LIAT1: variants seen among roughly 807,000 people sequenced by gnomAD.
The protein encoded by LIAT1 is ligand of ATE1.
the LIAT1 span, among the ~76,000 whole-genome samples, chr17:411,347 C>T: frequency 5.3e-5 from 8 of 152,296 alleles, no homozygotes; most frequent in Admixed American, 3.9e-4. Flanking sequence ...AACCACTCCC[C>T]CCACCTTCTA....
chr17:413,090 C>G, the LIAT1 span: 10 of 1,575,554 alleles, frequency 6.3e-6, no homozygotes, highest in Non-Finnish European at 8.6e-6. Context: ...TGGCACCATC[C>G]CCAGCAGGCC....
At chr17:414,304 CAT>C in the LIAT1 span, 1 of 646,412 alleles carries the variant, frequency 1.5e-6, no homozygotes, top group African/African-American at 1.8e-5. This position sits in a 1 kb window ranked among gnomAD's most constrained non-coding sequence, Gnocchi z 4.1. Context: ...GCCTTGAGAA[CAT>C]AAGCAATTTA....
At chr17:410,389 G>C in the LIAT1 span, 4 of 1,524,794 alleles carry the variant, frequency 2.6e-6, no homozygotes, top group Non-Finnish European at 3.5e-6. Context: ...GAGAGTCGCC[G>C]ATTAGTCGGC....
chr17:410,549 A>G, the LIAT1 span: 17 of 1,546,576 alleles, frequency 1.1e-5, no homozygotes, highest in Middle Eastern at 1.7e-4. Flanking sequence ...GGGGGTCTAG[A>G]CTGCCCCCCA....
the LIAT1 span, chr17:413,195 T>C: frequency 3.3e-5 from 54 of 1,614,064 alleles, no homozygotes; most frequent in South Asian, 5.5e-4. Context: ...TTCTTCCTCC[T>C]TTCATGACAT....
At chr17:414,169 G>A in the LIAT1 span, 1 of 1,568,544 alleles carries the variant, frequency 6.4e-7, no homozygotes, top group Non-Finnish European at 8.6e-7. The surrounding 1 kb of genome is among the most constrained non-coding windows in gnomAD (Gnocchi z 4.1). Flanking sequence ...ACAAGTTTAT[G>A]TGTTAAAAAC....
At chr17:410,567 C>T in the LIAT1 span, 19 of 1,546,632 alleles carry the variant, frequency 1.2e-5, no homozygotes, top group East Asian at 4.4e-4. Context: ...CCATCACAGG[C>T]GGCGCCTCCG....
chr17:410,636 C>T, the LIAT1 span: 2 of 1,540,746 alleles, frequency 1.3e-6, no homozygotes, highest in East Asian at 4.9e-5. Context: ...AGGGGTCTGG[C>T]AAGGGGGACG....
At chr17:411,349 C>A in the LIAT1 span, among the ~76,000 whole-genome samples, 1 of 152,192 alleles carries the variant, frequency 6.6e-6, no homozygotes, top group Non-Finnish European at 1.5e-5. Flanking sequence ...CCACTCCCCC[C>A]ACCTTCTATC....
chr17:413,287 C>T, the LIAT1 span: 7 of 1,614,250 alleles, frequency 4.3e-6, no homozygotes, highest in Non-Finnish European at 5.9e-6. Flanking sequence ...CTTCTGACTC[C>T]TCCACCGTCA....
chr17:410,515 G>A, the LIAT1 span: 52 of 1,545,600 alleles, frequency 3.4e-5, 2 homozygotes, highest in South Asian at 5.4e-4. Flanking sequence ...GAGGAGGAGC[G>A]GGAGGGCGGC....
At chr17:414,137 A>C in the LIAT1 span, 2 of 1,603,052 alleles carry the variant, frequency 1.2e-6, no homozygotes, top group East Asian at 4.5e-5. The surrounding 1 kb of genome is among the most constrained non-coding windows in gnomAD (Gnocchi z 4.1). Flanking sequence ...CGACGCTCAC[A>C]AACTTATAAT....
the LIAT1 span, chr17:414,051 G>A: frequency 6.2e-7 from 1 of 1,614,252 alleles, no homozygotes; most frequent in East Asian, 2.2e-5. This position sits in a 1 kb window ranked among gnomAD's most constrained non-coding sequence, Gnocchi z 4.1. Context: ...CCCAATCTCT[G>A]TTTTGAAGGA....
At chr17:411,030 C>T in the LIAT1 span, among the ~76,000 whole-genome samples, 12 of 152,318 alleles carry the variant, frequency 7.9e-5, 1 homozygote, top group Admixed American at 7.2e-4. Context: ...ACATTGATGC[C>T]ACATGAAAGG....
the LIAT1 span, chr17:414,531 T>C: frequency 5.8e-6 from 1 of 173,152 alleles, no homozygotes; most frequent in Non-Finnish European, 1.2e-5. This position sits in a 1 kb window ranked among gnomAD's most constrained non-coding sequence, Gnocchi z 4.1. Context: ...TGGAGCCTTT[T>C]TCTGTTTTAA....
the LIAT1 span, chr17:410,568 G>A: frequency 1.9e-6 from 3 of 1,546,738 alleles, no homozygotes; most frequent in South Asian, 3.6e-5. Flanking sequence ...CATCACAGGC[G>A]GCGCCTCCGA....
At chr17:413,314 C>T in the LIAT1 span, 9 of 1,614,228 alleles carry the variant, frequency 5.6e-6, no homozygotes, top group South Asian at 6.6e-5. Context: ...CCGACTTTGC[C>T]GAAATAGAGA....
the LIAT1 span, chr17:410,584 C>T: frequency 7.1e-6 from 11 of 1,546,124 alleles, no homozygotes; most frequent in Non-Finnish European, 8.7e-6. Flanking sequence ...TCCGAGCTGG[C>T]CAAACGGAAG....
the LIAT1 span, among the ~76,000 whole-genome samples, chr17:411,073 C>T: frequency 2.6e-5 from 4 of 152,226 alleles, no homozygotes. Flanking sequence ...AGGGCAGACT[C>T]CTGCCTCCCC....
Sources: gnomAD v4.1 joint callset for allele counts (sites outside exome capture counted in the v4.1 genomes callset) on GRCh38, gnomAD v4.1.1 for gene constraint, Gnocchi (gnomAD v3.1) non-coding constraint, MANE v1.5 for transcripts, NCBI Gene and HGNC (gene_info 2026-07-23, HGNC 2026-07-21) for gene names.